Variants in CDHR3 observed in about 807,000 individuals in gnomAD.
CDHR3 encodes cadherin-related family member 3.
In CDHR3, 79 loss-of-function variants were observed where a neutral mutation model predicts 86.6. The ratio of observed to expected loss-of-function variants is 0.91; its 90% CI spans 0.76 to 1.10. The LOEUF (loss-of-function observed/expected upper bound fraction) is 1.10. Among genes scored for constraint, CDHR3 ranks in the 50% least tolerant of loss-of-function variants. CDHR3 has a pLI of 0.00. For synonymous variants in CDHR3, 421 were observed against 402.4 expected, an observed-to-expected ratio of 1.05 and a Z score of -0.55; for missense variants, 1,081 against 1,077.6, an observed-to-expected ratio of 1.00 and a Z score of -0.04.
chr7:106,015,284 A>G (rs1442681350), intron 10 of CDHR3, 71 bp downstream of exon 10: 1 of 1,349,224 alleles, frequency 7.4e-7, no homozygotes, highest in Non-Finnish European at 1.0e-6. Flanking sequence ...GCTGGGCAAT[A>G]CTAGGTATTG....
At chr7:106,031,717 C>A (rs570854206) in intron 18 of CDHR3, among the ~76,000 whole-genome samples, 56 of 152,100 alleles carry the variant, frequency 3.7e-4, no homozygotes, top group African/African-American at 1.3e-3. Flanking sequence ...CAAGGGCTTG[C>A]CTTAAACCTG....
chr7:106,028,647 G>T, intron 17 of CDHR3, 65 bp downstream of exon 17: 1 of 1,570,584 alleles, frequency 6.4e-7, no homozygotes, highest in South Asian at 1.1e-5. Context: ...CGTCTCCCCC[G>T]AAGGCAGGCC....
intron 10 of CDHR3, 57 bp from the exon 11 acceptor site, chr7:106,015,870 T>C: frequency 1.6e-6 from 2 of 1,242,644 alleles, no homozygotes; most frequent in Non-Finnish European, 2.3e-6. Flanking sequence ...AGATGTTGAA[T>C]AAACAAATGG....
chr7:106,017,564 G>GACACACACACAC lies in CDHR3; in HGVS notation c.1427-248_1427-237dup, dbSNP rs539661927. 5.4e-4 allele frequency among the ~76,000 whole-genome samples: 70 copies of GACACACACACAC among 130,626 alleles called. 1 individual carries two copies. Among genetic ancestry groups the GACACACACACAC allele is most frequent in the African/African-American group, 1.2e-3 (43 of 34,998 alleles). 85.7% of individuals were successfully genotyped at this position (130,626 alleles called of 152,430 possible). A position where few individuals can be genotyped will look rare whatever the true frequency, so the allele number is the denominator to read the frequency against. On this transcript the variant is annotated intron_variant, in intron 11 of 18. Coordinates refer to ENST00000317716, the MANE Select transcript of CDHR3 (RefSeq NM_152750.5). ...ACAGAGTGAGACTCCGTCACACACA[G>GACACACACACAC]ACACACACACACACACACACACACA...
At chr7:106,021,399 C>T (rs1019671789) in intron 13 of CDHR3, among the ~76,000 whole-genome samples, 2 of 152,156 alleles carry the variant, frequency 1.3e-5, no homozygotes, top group Non-Finnish European at 2.9e-5. Context: ...CTGCAGTTGC[C>T]GAAGATGGAA....
chr7:105,989,821 A>G (rs1430284371), intron 4 of CDHR3, among the ~76,000 whole-genome samples: 3 of 152,082 alleles, frequency 2.0e-5, no homozygotes, highest in African/African-American at 7.2e-5. Context: ...AAGTTCTGCC[A>G]CTGGCTTCCT....
At chr7:105,997,908 A>C (rs570707602) in intron 6 of CDHR3, among the ~76,000 whole-genome samples, 93 of 151,486 alleles carry the variant, frequency 6.1e-4, no homozygotes, top group Non-Finnish European at 8.8e-4. Flanking sequence ...ATTGGGCTCC[A>C]TCCCCAAGCA....
chr7:105,997,253 A>G (rs562212183), intron 6 of CDHR3, among the ~76,000 whole-genome samples: 1 of 152,346 alleles, frequency 6.6e-6, no homozygotes, highest in Admixed American at 6.5e-5. Flanking sequence ...TCACTCCCAG[A>G]CTAACCTGGT....
chr7:106,001,404 A>G, intron 6 of CDHR3, 58 bp from the exon 7 acceptor site: 1 of 1,598,308 alleles, frequency 6.3e-7, no homozygotes, highest in Non-Finnish European at 8.6e-7. Context: ...CCAATCGCCT[A>G]GATGCTACCT....
Position 106,015,991 on chromosome 7 carries a change from A to G in CDHR3, c.1392A>G (p.Pro464=), listed in dbSNP as rs139947243. 1.3e-4 allele frequency: 206 copies of G among 1,612,796 alleles called. 1 individual carries two copies. In the East Asian group the frequency reaches 4.1e-3, roughly 32 times the overall value. Residue 464 remains proline, a synonymous_variant, in exon 11 of 19, where the codon CCA becomes CCG. Transcript: ENST00000317716. ...ENEFPLIFDR[P]SYVFDVSERR... ...AGTTTCCTCTCATTTTTGATAGGCC[A>G]TCCTATGTATTTGATGTGTCAGAAA...
intron 13 of CDHR3, 55 bp from the exon 14 acceptor site, chr7:106,022,143 T>G (rs1836659265): frequency 2.5e-6 from 4 of 1,599,104 alleles, no homozygotes; most frequent in Non-Finnish European, 3.4e-6. Flanking sequence ...TAAACCTTTA[T>G]TTCTTACTCT....
At chr7:105,972,922 T>C (rs539103097) in intron 1 of CDHR3, among the ~76,000 whole-genome samples, 3 of 152,332 alleles carry the variant, frequency 2.0e-5, no homozygotes, top group Admixed American at 6.5e-5. Context: ...CTTGTATCAG[T>C]GAATGTGCTT....
At chr7:106,027,259 T>C (rs868442140) in intron 16 of CDHR3, among the ~76,000 whole-genome samples, 2 of 152,024 alleles carry the variant, frequency 1.3e-5, no homozygotes, top group South Asian at 2.1e-4. Context: ...TAGCCGGGCA[T>C]GGTGGCACGC....
chr7:106,001,444 G>A lies in CDHR3; in HGVS notation c.714-18G>A. On this transcript the variant is annotated intron_variant, in intron 6 of 18. Coordinates refer to ENST00000317716, the MANE Select transcript of CDHR3 (RefSeq NM_152750.5). Reference sequence around the variant, plus strand: ...GTGCCCCTGGAAATTAGCTGTGTCTGCTGTATCTCTGTTCCAGCCCGACAC... The same window carrying A: ...GTGCCCCTGGAAATTAGCTGTGTCTACTGTATCTCTGTTCCAGCCCGACAC... The A allele has an allele frequency of 6.2e-7, 1 of 1,612,978 alleles. No homozygotes were observed. The highest frequency in any genetic ancestry group is 8.5e-7 in the Non-Finnish European group (1 of 1,179,042).
At chr7:105,968,816 C>T (rs1237729143) in intron 1 of CDHR3, among the ~76,000 whole-genome samples, 1 of 152,106 alleles carries the variant, frequency 6.6e-6, no homozygotes, top group Non-Finnish European at 1.5e-5. Flanking sequence ...TGGCTAGGTG[C>T]GGTGGCTCAC....
At chr7:105,975,181 GTCT>G in intron 2 of CDHR3, 135 bp downstream of exon 2, 1 of 774,628 alleles carries the variant, frequency 1.3e-6, no homozygotes, top group Non-Finnish European at 2.2e-6. Flanking sequence ...CAGGAGTCCT[GTCT>G]GAGGCATCCC....
chr7:106,000,570 G>C (rs928934279), intron 6 of CDHR3, among the ~76,000 whole-genome samples: 4 of 152,184 alleles, frequency 2.6e-5, no homozygotes, highest in African/African-American at 9.7e-5. Context: ...GTGACTACTT[G>C]CCCCACTGAA....
rs1418413121 is a variant in CDHR3, at chr7:106,016,074, C to T, written c.1426+49C>T. The T allele has an allele frequency of 2.1e-5, 27 of 1,263,216 alleles. No homozygotes were observed. The East Asian group carries it at 6.2e-4, about 29-fold the overall frequency. 78.3% of individuals were successfully genotyped at this position (1,263,216 alleles called of 1,614,324 possible). Reference sequence around the variant, plus strand: ...CCAGAGTGCTGTCAATGGACTCCATCCAAACGTGTGTTCTGTGGAGTGGAA... The same window carrying T: ...CCAGAGTGCTGTCAATGGACTCCATTCAAACGTGTGTTCTGTGGAGTGGAA... On this transcript the variant is annotated intron_variant, in intron 11 of 18. Coordinates refer to ENST00000317716, the MANE Select transcript of CDHR3 (RefSeq NM_152750.5).
intron 4 of CDHR3, among the ~76,000 whole-genome samples, chr7:105,990,634 G>A (rs1242736089): frequency 6.6e-6 from 1 of 152,186 alleles, no homozygotes; most frequent in Non-Finnish European, 1.5e-5. Context: ...CCGAATAAGG[G>A]TCTTTCCTTC....
Sources: allele counts gnomAD v4.1 joint callset (sites outside exome capture counted in the v4.1 genomes callset), GRCh38; gene constraint gnomAD v4.1.1; transcripts MANE v1.5; gene names NCBI Gene and HGNC (gene_info 2026-07-23, HGNC 2026-07-21).